Variants in EBF1 observed in about 807,000 individuals in gnomAD.
EBF1 encodes the protein EBF transcription factor 1, also known as transcription factor COE1.
In EBF1, 10 loss-of-function variants were observed where a neutral mutation model predicts 68.4. The ratio of observed to expected loss-of-function variants is 0.15; its 90% CI spans 0.09 to 0.25. EBF1 has a LOEUF of 0.25. EBF1 is among the 10% of genes least tolerant of loss of function. The pLI, the probability that EBF1 is intolerant of heterozygous loss-of-function variation, is 1.00. For missense variants in EBF1, 509 were observed against 794.4 expected, an observed-to-expected ratio of 0.64 and a Z score of 4.32; for synonymous variants, 298 against 299.8, an observed-to-expected ratio of 0.99 and a Z score of 0.06.
At chr5:158,742,153 AC>A (rs1766552777) in intron 10 of EBF1, among the ~76,000 whole-genome samples, 2 of 152,320 alleles carry the variant, frequency 1.3e-5, no homozygotes, top group South Asian at 4.1e-4. Flanking sequence ...GGCTTCCAGG[AC>A]TTTTGTGATA....
chr5:158,808,672 T>C (rs1455696220), intron 8 of EBF1, among the ~76,000 whole-genome samples: 1 of 152,106 alleles, frequency 6.6e-6, no homozygotes, highest in East Asian at 1.9e-4. Context: ...AGTTAATCTA[T>C]GTGAAGAGTT....
In EBF1 at chr5:158,946,910, G is replaced by C. The variant is rs143741770; in HGVS notation, c.555-106800C>G. Among the ~76,000 whole-genome samples the C allele has an allele frequency of 7.0e-3, 1,068 of 152,338 alleles. 23 individuals carry two copies. Among genetic ancestry groups the C allele is most frequent in the African/African-American group, 0.025 (1,022 of 41,564 alleles). On this transcript the variant is annotated intron_variant, in intron 6 of 15. Transcript: ENST00000313708. ...CAGAGAGGAGGAATCTAGAGAGACG[G>C]TCTGGCTACAGCGGCTCTGTGGCAC...
chr5:158,834,885 A>G (rs1011575528), intron 7 of EBF1, among the ~76,000 whole-genome samples: 1 of 152,244 alleles, frequency 6.6e-6, no homozygotes, highest in African/African-American at 2.4e-5. Flanking sequence ...ACCACTGCAC[A>G]GACCCTGCTT....
Position 158,985,482 on chromosome 5 carries a change from GA to G in EBF1, c.554+87913del, listed in dbSNP as rs1369043599. Among the ~76,000 whole-genome samples the G allele has an allele frequency of 2.0e-5, 3 of 152,204 alleles. 1 individual carries two copies. The highest frequency in any genetic ancestry group is 7.2e-5 in the African/African-American group (3 of 41,448). ...CAGTATTTGCTTTAAAGATGGCCAGGAAATTCTAATATAAGTCCAGGGCAGA... is the reference window on the plus strand; with the variant it reads ...CAGTATTTGCTTTAAAGATGGCCAGGAATTCTAATATAAGTCCAGGGCAGA... On this transcript the variant is annotated intron_variant, in intron 6 of 15. Coordinates refer to ENST00000313708, the MANE Select transcript of EBF1 (RefSeq NM_024007.5).
At chr5:158,717,993 G>A (rs559195151) in intron 11 of EBF1, among the ~76,000 whole-genome samples, 11 of 152,148 alleles carry the variant, frequency 7.2e-5, no homozygotes, top group Non-Finnish European at 1.5e-4. Flanking sequence ...GGAGACCGAA[G>A]GAGGAATGGG....
intron 8 of EBF1, among the ~76,000 whole-genome samples, chr5:158,810,970 G>A (rs1179102016): frequency 6.6e-6 from 1 of 152,162 alleles, no homozygotes; most frequent in Non-Finnish European, 1.5e-5. Flanking sequence ...CCACAATCCT[G>A]CAATCCATGC....
chr5:158,743,785 G>GA (rs1014247730), intron 10 of EBF1, among the ~76,000 whole-genome samples: 1 of 151,770 alleles, frequency 6.6e-6, no homozygotes, highest in African/African-American at 2.4e-5. Context: ...TATACAGGAG[G>GA]AAAAAAAATC....
intron 6 of EBF1, among the ~76,000 whole-genome samples, chr5:159,046,499 C>T (rs1212957565): frequency 6.6e-6 from 1 of 152,166 alleles, no homozygotes; most frequent in Non-Finnish European, 1.5e-5. Context: ...GAAGAGACCT[C>T]AAATAGGCCA....
At chr5:158,721,069 A>G (rs931750809) in intron 11 of EBF1, among the ~76,000 whole-genome samples, 16 of 152,184 alleles carry the variant, frequency 1.1e-4, no homozygotes, top group African/African-American at 3.6e-4. Flanking sequence ...GAAAGAGTCT[A>G]CTGCTATTAA....
intron 10 of EBF1, among the ~76,000 whole-genome samples, chr5:158,765,816 A>G (rs1003135881): frequency 9.9e-5 from 15 of 152,144 alleles, no homozygotes; most frequent in Admixed American, 9.8e-4. Context: ...GGTCCATGTA[A>G]AAGGGTGAGC....
intron 6 of EBF1, among the ~76,000 whole-genome samples, chr5:158,894,139 T>C (rs916893641): frequency 2.6e-5 from 4 of 152,182 alleles, no homozygotes; most frequent in African/African-American, 9.7e-5. Flanking sequence ...TAACATATCC[T>C]TTAAAATGTC....
intron 6 of EBF1, among the ~76,000 whole-genome samples, chr5:159,055,526 G>C (rs149511820): frequency 6.6e-6 from 1 of 152,102 alleles, no homozygotes; most frequent in African/African-American, 2.4e-5. Flanking sequence ...TTAATGTGTC[G>C]AGCCTTTAAC....
chr5:158,895,007 G>C (rs1199598076), intron 6 of EBF1, among the ~76,000 whole-genome samples: 3 of 152,032 alleles, frequency 2.0e-5, no homozygotes, highest in Non-Finnish European at 4.4e-5. Context: ...ATATAAATAT[G>C]AACATTAAAT....
intron 9 of EBF1, among the ~76,000 whole-genome samples, chr5:158,794,958 T>C (rs1231629509): frequency 3.9e-5 from 6 of 152,352 alleles, no homozygotes; most frequent in African/African-American, 1.2e-4. Flanking sequence ...GGGAAGCTCA[T>C]CTCTGATTTG....
intron 8 of EBF1, among the ~76,000 whole-genome samples, chr5:158,797,825 C>G (rs1339404868): frequency 1.3e-5 from 2 of 152,146 alleles, no homozygotes; most frequent in Non-Finnish European, 2.9e-5. Flanking sequence ...TAAAACTGGG[C>G]AGTTCAGATG....
intron 4 of EBF1, among the ~76,000 whole-genome samples, chr5:159,085,490 C>T (rs1473619310): frequency 2.6e-5 from 4 of 152,178 alleles, no homozygotes; most frequent in Non-Finnish European, 4.4e-5. Context: ...GTAAAACGAA[C>T]ATTTTACTCA....
chr5:158,831,511 A>T (rs1410665640), intron 7 of EBF1, among the ~76,000 whole-genome samples: 2 of 152,172 alleles, frequency 1.3e-5, no homozygotes, highest in Admixed American at 6.5e-5. Flanking sequence ...AGAGAGTCAG[A>T]CAATAAGTAA....
At chr5:158,954,990 C>T (rs1816772303) in intron 6 of EBF1, among the ~76,000 whole-genome samples, 1 of 152,146 alleles carries the variant, frequency 6.6e-6, no homozygotes. Flanking sequence ...ATGTGCCAAG[C>T]ATTTTTTTTC....
At chr5:158,878,538 G>T (rs959063190) in intron 6 of EBF1, among the ~76,000 whole-genome samples, 1 of 152,056 alleles carries the variant, frequency 6.6e-6, no homozygotes, top group African/African-American at 2.4e-5. Flanking sequence ...ACACTATGAT[G>T]TGGGTATATA....
Sources: allele counts gnomAD v4.1 joint callset (sites outside exome capture counted in the v4.1 genomes callset), GRCh38; gene constraint gnomAD v4.1.1; transcripts MANE v1.5; gene names NCBI Gene and HGNC (gene_info 2026-07-23, HGNC 2026-07-21).